TRPC7: variants seen among roughly 807,000 people sequenced by gnomAD.
TRPC7 encodes the protein short transient receptor potential channel 7.
A neutral mutation model predicts 90.1 loss-of-function variants in TRPC7; 42 were observed. The observed-to-expected ratio is 0.47, with a 90% confidence interval of 0.36 to 0.60. The LOEUF (loss-of-function observed/expected upper bound fraction) is 0.60, where lower values mean the gene tolerates loss of function less well. TRPC7 is among the 20% of genes least tolerant of loss of function. The pLI is 0.00. For missense variants in TRPC7, 955 were observed against 1,112.3 expected, an observed-to-expected ratio of 0.86 and a Z score of 2.01; for synonymous variants, 451 against 436.3, an observed-to-expected ratio of 1.03 and a Z score of -0.42.
At position 136,356,316 on chromosome 5, in the gene TRPC7, T is replaced by C. The variant is rs187869813; in HGVS notation, c.780+292A>G. Among the ~76,000 whole-genome samples, 106 of 152,336 alleles carry C rather than the reference T, an allele frequency of 7.0e-4. 1 individual carries two copies. Among genetic ancestry groups the C allele is most frequent in the East Asian group, 5.8e-4 (3 of 5,190 alleles). ...CTGAGGCGGAGCTAAGGCATTGACA[T>C]CAGAACCACAACATAATCCTGCCTG... On this transcript the variant is annotated intron_variant, in intron 2 of 11. Transcript: ENST00000513104.
chr5:136,330,487 A>G (rs1234420855), intron 2 of TRPC7, among the ~76,000 whole-genome samples: 1 of 152,224 alleles, frequency 6.6e-6, no homozygotes, highest in Non-Finnish European at 1.5e-5. Context: ...AATACTGGTA[A>G]GTACTCATTT....
rs146429889 is a variant in TRPC7, at chr5:136,254,352, C to A, written c.1346-2470G>T. Reference sequence around the variant, plus strand: ...TGGTTTCAAAGCTGTGTAGGGCAGGCTGACTCTCTTGTTAGGGACTACTGC... The same window carrying A: ...TGGTTTCAAAGCTGTGTAGGGCAGGATGACTCTCTTGTTAGGGACTACTGC... On this transcript the variant is annotated intron_variant, in intron 5 of 11. Transcript: ENST00000513104. Among the ~76,000 whole-genome samples, 8 of 152,270 alleles carry A rather than the reference C, an allele frequency of 5.3e-5. No individual in the cohort carries two copies. The East Asian group carries it at 1.5e-3, about 29-fold the overall frequency.
intron 2 of TRPC7, among the ~76,000 whole-genome samples, chr5:136,352,399 C>T (rs935985724): frequency 6.6e-6 from 1 of 152,006 alleles, no homozygotes; most frequent in Non-Finnish European, 1.5e-5. Context: ...AGACAAAATG[C>T]CCAGGAATTT....
In TRPC7 at chr5:136,213,338, G is replaced by T. The variant is rs563893550; in HGVS notation, c.*97C>A. ...AGGAGATCCCCTTCGTGTCCTAGAG[G>T]AGTGGGCTGGGGACCCCTCCCCACC... On this transcript the variant is annotated 3_prime_UTR_variant, in exon 12 of 12. Transcript: ENST00000513104. 1 of 1,252,674 alleles carries T rather than the reference G, an allele frequency of 8.0e-7. No homozygotes were observed. Among genetic ancestry groups the T allele is most frequent in the Non-Finnish European group, 1.1e-6 (1 of 891,828 alleles). The allele number at this position is 1,252,674 out of a possible 1,614,324, so 77.6% of individuals were successfully genotyped here. A position where few individuals can be genotyped will look rare whatever the true frequency, so the allele number is the denominator to read the frequency against.
rs184954202 is a variant in TRPC7 at position 136,357,605 on chromosome 5, A to G, written c.3-220T>C. Among the ~76,000 whole-genome samples the G allele has an allele frequency of 5.9e-3, 902 of 152,292 alleles. 6 individuals are homozygous for G. Among genetic ancestry groups the G allele is most frequent in the Non-Finnish European group, 9.5e-3 (648 of 68,016 alleles). On this transcript the variant is annotated intron_variant, in intron 1 of 11. Coordinates refer to ENST00000513104, the MANE Select transcript of TRPC7 (RefSeq NM_020389.3). ...GAATATGACTCAGTTGTCTGCCTCT[A>G]TACTCCTTGGGTGGAGACGGGGTGG...
intron 10 of TRPC7, among the ~76,000 whole-genome samples, chr5:136,223,589 G>T (rs543920142): frequency 1.1e-4 from 16 of 151,796 alleles, no homozygotes; most frequent in Admixed American, 4.6e-4. Context: ...CACCAGCCTG[G>T]GCAACAAGAG....
At position 136,357,288 on chromosome 5, in the gene TRPC7, T is replaced by A; in HGVS notation, c.100A>T (p.Asn34Tyr). 1 of 1,612,688 alleles carries A rather than the reference T, an allele frequency of 6.2e-7. No individual in the cohort carries two copies. The highest frequency in any genetic ancestry group is 1.3e-5 in the African/African-American group (1 of 75,042). ...GGCGTCAGACTGGTGCCCTTCTCGTTGAACATGTAGGCGGGACCCCGGATG... is the reference window on the plus strand; with the variant it reads ...GGCGTCAGACTGGTGCCCTTCTCGTAGAACATGTAGGCGGGACCCCGGATG... ...QAIRGPAYMF[N>Y]EKGTSLTPEE... is the part of the protein sequence containing the mutation. The change falls in exon 2 of 12, where the codon AAC becomes TAC. Residue 34 changes from asparagine (N) to tyrosine (Y), a missense_variant. Coordinates refer to ENST00000513104, the MANE Select transcript of TRPC7 (RefSeq NM_020389.3).
At chr5:136,225,185 C>T (rs201278160) in intron 10 of TRPC7, 89 bp downstream of exon 10, 549 of 1,160,464 alleles carry the variant, frequency 4.7e-4, no homozygotes, top group East Asian at 7.9e-4. Context: ...GCTGTGTTCT[C>T]GGGGGATGAC....
In TRPC7 at chr5:136,365,151, G is replaced by A. The variant is rs1760682247; in HGVS notation, c.2+102C>T. ...CTAAAAATCTAAGCAGTGCACTAGAGGAAGAAGGCTGATAAATGAAAGTTC... is the reference window on the plus strand; with the variant it reads ...CTAAAAATCTAAGCAGTGCACTAGAAGAAGAAGGCTGATAAATGAAAGTTC... On this transcript the variant is annotated intron_variant, in intron 1 of 11. Transcript: ENST00000513104. 6.0e-6 allele frequency: 8 copies of A among 1,331,032 alleles called. 1 individual carries two copies. The highest frequency in any genetic ancestry group is 4.3e-5 in the African/African-American group (3 of 69,000). The allele number at this position is 1,331,032 out of a possible 1,614,324, so 82.5% of individuals were successfully genotyped here.
intron 3 of TRPC7, among the ~76,000 whole-genome samples, chr5:136,305,585 A>G (rs1215367029): frequency 1.3e-5 from 2 of 152,140 alleles, no homozygotes; most frequent in African/African-American, 4.8e-5. Context: ...TCTTAGTCTA[A>G]ATAGACACTT....
At chr5:136,290,675 T>A (rs1757910938) in intron 3 of TRPC7, among the ~76,000 whole-genome samples, 1 of 152,206 alleles carries the variant, frequency 6.6e-6, no homozygotes, top group Non-Finnish European at 1.5e-5. Context: ...TTGGTGTACC[T>A]GAAAGTGACG....
intron 4 of TRPC7, among the ~76,000 whole-genome samples, chr5:136,269,564 A>G (rs1483369517): frequency 6.6e-6 from 1 of 152,226 alleles, no homozygotes; most frequent in African/African-American, 2.4e-5. Context: ...CTAATCTTTT[A>G]TGACAGAGTC....
At chr5:136,279,411 T>C (rs1757473285) in intron 3 of TRPC7, among the ~76,000 whole-genome samples, 1 of 152,174 alleles carries the variant, frequency 6.6e-6, no homozygotes, top group African/African-American at 2.4e-5. Flanking sequence ...AGGCAAGCCA[T>C]TTCCTGAGTG....
intron 8 of TRPC7, among the ~76,000 whole-genome samples, chr5:136,229,861 C>CT (rs1380467187): frequency 6.6e-6 from 1 of 151,994 alleles, no homozygotes; most frequent in Non-Finnish European, 1.5e-5. Flanking sequence ...ATCTTCTCTC[C>CT]TTTTATTCCC....
At chr5:136,355,988 T>C (rs975625354) in intron 2 of TRPC7, among the ~76,000 whole-genome samples, 6 of 152,170 alleles carry the variant, frequency 3.9e-5, no homozygotes, top group African/African-American at 1.2e-4. Context: ...CTCAGAGTGA[T>C]TTAATTAGAG....
At chr5:136,337,663 C>CA (rs55856709) in intron 2 of TRPC7, among the ~76,000 whole-genome samples, 1,933 of 121,642 alleles carry the variant, frequency 0.016, 34 homozygotes, top group African/African-American at 0.049. Context: ...GAGACTCCAT[C>CA]AAAAAAAAAA....
chr5:136,305,334 G>T (rs1758578582), intron 3 of TRPC7, among the ~76,000 whole-genome samples: 1 of 152,134 alleles, frequency 6.6e-6, no homozygotes, highest in Non-Finnish European at 1.5e-5. Flanking sequence ...CACCAGCAAA[G>T]GCAGGCTATG....
At chr5:136,344,445 T>A (rs910407695) in intron 2 of TRPC7, among the ~76,000 whole-genome samples, 9 of 152,174 alleles carry the variant, frequency 5.9e-5, no homozygotes, top group Non-Finnish European at 1.0e-4. Flanking sequence ...AAAGTTAAAA[T>A]TTTTTGAAAT....
At chr5:136,238,622 TG>T (rs1425467447) in intron 7 of TRPC7, among the ~76,000 whole-genome samples, 1 of 46,378 alleles carries the variant, frequency 2.2e-5, no homozygotes, top group Non-Finnish European at 5.0e-5. Flanking sequence ...CCCTCTCCCC[TG>T]TCAGACAGTG....
Sources: gnomAD v4.1 joint callset for allele counts (sites outside exome capture counted in the v4.1 genomes callset) on GRCh38, gnomAD v4.1.1 for gene constraint, MANE v1.5 for transcripts, NCBI Gene and HGNC (gene_info 2026-07-23, HGNC 2026-07-21) for gene names.